The following AAK1 variants were observed in gnomAD, a reference collection of about 807,000 sequenced individuals.
AAK1 encodes AP2-associated protein kinase 1.
Under a neutral mutation model 116.0 loss-of-function variants are expected in AAK1, and 37 were observed. That is an observed-to-expected ratio of 0.32 (90% confidence interval 0.25 to 0.42). AAK1 has a LOEUF of 0.42. AAK1 is among the 10% of genes least tolerant of loss of function. The pLI, the probability that AAK1 is intolerant of heterozygous loss-of-function variation, is 1.00. For synonymous variants in AAK1, 458 were observed against 439.9 expected, an observed-to-expected ratio of 1.04 and a Z score of -0.51; for missense variants, 919 against 1,170.6, an observed-to-expected ratio of 0.79 and a Z score of 3.14.
At chr2:69,600,289 A>G (rs1673512529) in intron 2 of AAK1, among the ~76,000 whole-genome samples, 1 of 142,342 alleles carries the variant, frequency 7.0e-6, no homozygotes, top group Admixed American at 7.1e-5. Context: ...AATCTGTCTC[A>G]GTTTTTTTTT....
At chr2:69,519,371 G>A in intron 11 of AAK1, 131 bp from the exon 12 acceptor site, 1 of 1,262,114 alleles carries the variant, frequency 7.9e-7, no homozygotes, top group Non-Finnish European at 1.1e-6. Context: ...CCTCCTCACT[G>A]TCTTTCCACA....
chr2:69,531,671 C>T (rs1428464520), intron 6 of AAK1: 1 of 1,005,000 alleles, frequency 1.0e-6, no homozygotes, highest in African/African-American at 1.7e-5. Context: ...AAAAGCACAT[C>T]TGTTTGACTG....
intron 5 of AAK1, 71 bp from the exon 6 acceptor site, chr2:69,532,233 G>A (rs1380598632): frequency 1.3e-6 from 2 of 1,574,510 alleles, no homozygotes; most frequent in African/African-American, 2.7e-5. Context: ...TGGTTTCACA[G>A]TCACATAAAT....
At chr2:69,489,423 A>G (rs902019159) in intron 17 of AAK1, among the ~76,000 whole-genome samples, 1 of 146,932 alleles carries the variant, frequency 6.8e-6, no homozygotes, top group African/African-American at 2.5e-5. Flanking sequence ...TGCACTCCAG[A>G]CTGGGCGACA....
chr2:69,541,595 A>G (rs1428401174), intron 5 of AAK1, among the ~76,000 whole-genome samples: 1 of 152,170 alleles, frequency 6.6e-6, no homozygotes, highest in Non-Finnish European at 1.5e-5. Flanking sequence ...TTTTTTTTAA[A>G]AAGTTAAGAA....
chr2:69,512,302 A>G (rs575754097), intron 13 of AAK1, among the ~76,000 whole-genome samples: 1 of 152,356 alleles, frequency 6.6e-6, no homozygotes, highest in Admixed American at 6.5e-5. Flanking sequence ...AACTAGATAC[A>G]ATCCTTATCT....
At chr2:69,564,011 G>A (rs533652996) in intron 2 of AAK1, among the ~76,000 whole-genome samples, 23 of 152,094 alleles carry the variant, frequency 1.5e-4, no homozygotes, top group Non-Finnish European at 2.9e-4. Context: ...AGCTAACATG[G>A]TGAAACCCTG....
In AAK1 at chr2:69,500,698, T is replaced by TATATACACAC; in HGVS notation, c.2270-4619_2270-4618insGTGTGTATAT. Among the ~76,000 whole-genome samples, 127 of 65,068 alleles carry TATATACACAC rather than the reference T, an allele frequency of 2.0e-3. 1 individual carries two copies. The highest frequency in any genetic ancestry group is 8.0e-3 in the African/African-American group (101 of 12,642). 42.7% of individuals were successfully genotyped at this position (65,068 alleles called of 152,430 possible). ...ATATATATATATATATATATATATA[T>TATATACACAC]ACACACACACACACACACACACACA... On this transcript the variant is annotated intron_variant, in intron 16 of 21. Transcript: ENST00000409085.
At chr2:69,494,857 C>T (rs1675676025) in intron 17 of AAK1, among the ~76,000 whole-genome samples, 1 of 152,116 alleles carries the variant, frequency 6.6e-6, no homozygotes, top group Non-Finnish European at 1.5e-5. Flanking sequence ...GTTTGCTTCT[C>T]CTTAGAGGGG....
At chr2:69,482,451 G>A in intron 18 of AAK1, 1 of 605,210 alleles carries the variant, frequency 1.7e-6, no homozygotes, top group Non-Finnish European at 3.0e-6. Context: ...CTAACTAAAT[G>A]TGAAACTTTC....
chr2:69,568,679 C>A (rs1474489616), intron 2 of AAK1, among the ~76,000 whole-genome samples: 2 of 152,104 alleles, frequency 1.3e-5, no homozygotes, highest in African/African-American at 4.8e-5. Flanking sequence ...TAGAACTGGT[C>A]TCCAGACACA....
rs1234764492 is a variant in AAK1, at chr2:69,542,787, G to T, written c.392-122C>A. The T allele has an allele frequency of 2.7e-6, 3 of 1,096,928 alleles. No homozygotes were observed. The African/African-American group carries it at 4.8e-5, about 17-fold the overall frequency. The allele number at this position is 1,096,928 out of a possible 1,614,324, so 67.9% of individuals were successfully genotyped here. ...GACTAAGGTAACAGAGCTGACCACT[G>T]ACTGAGCCAGGATTAAAACCTAGTT... On this transcript the variant is annotated intron_variant, in intron 4 of 21. Coordinates refer to ENST00000409085, the MANE Select transcript of AAK1 (RefSeq NM_014911.5).
At chr2:69,642,754 G>GC (rs1559027994) in intron 2 of AAK1, 124 bp downstream of exon 2, 1 of 1,316,256 alleles carries the variant, frequency 7.6e-7, no homozygotes, top group Non-Finnish European at 1.1e-6. Context: ...GACTCACAGG[G>GC]CAAGTGAAGG....
intron 13 of AAK1, among the ~76,000 whole-genome samples, chr2:69,512,582 C>T (rs6749509): frequency 0.14 from 21,006 of 149,516 alleles, 1,604 homozygotes; most frequent in South Asian, 0.17. Context: ...CTACAGGGTA[C>T]GCTTTACCTT....
intron 2 of AAK1, among the ~76,000 whole-genome samples, chr2:69,640,604 G>A (rs1011898664): frequency 4.1e-4 from 62 of 152,254 alleles, no homozygotes; most frequent in African/African-American, 1.5e-3. Context: ...GACTTGGTAG[G>A]TGCTACATAA....
At chr2:69,604,126 T>C (rs1004045792) in intron 2 of AAK1, among the ~76,000 whole-genome samples, 1 of 152,202 alleles carries the variant, frequency 6.6e-6, no homozygotes, top group South Asian at 2.1e-4. Context: ...CAGTGTTATT[T>C]TGACCAACTT....
At chr2:69,544,998 G>A (rs180824671) in intron 3 of AAK1, among the ~76,000 whole-genome samples, 10 of 151,690 alleles carry the variant, frequency 6.6e-5, no homozygotes, top group East Asian at 5.8e-4. Flanking sequence ...TAAATAGTTC[G>A]TACTGTTTTT....
At chr2:69,499,260 T>G (rs1040983683) in intron 16 of AAK1, among the ~76,000 whole-genome samples, 4 of 152,154 alleles carry the variant, frequency 2.6e-5, no homozygotes, top group African/African-American at 9.7e-5. Context: ...CCTCAGCCCT[T>G]CCTTGGACTT....
At chr2:69,532,236 A>G in intron 5 of AAK1, 74 bp from the exon 6 acceptor site, 7 of 1,556,684 alleles carry the variant, frequency 4.5e-6, no homozygotes, top group Non-Finnish European at 6.2e-6. Context: ...TTTCACAGTC[A>G]CATAAATAAA....
Sources: allele counts gnomAD v4.1 joint callset (sites outside exome capture counted in the v4.1 genomes callset), GRCh38; gene constraint gnomAD v4.1.1; transcripts MANE v1.5; gene names NCBI Gene and HGNC (gene_info 2026-07-23, HGNC 2026-07-21).